Variants in OSBPL10 observed in about 807,000 individuals in gnomAD.
The protein encoded by OSBPL10 is oxysterol-binding protein-related protein 10.
Under a neutral mutation model 81.7 loss-of-function variants are expected in OSBPL10, and 49 were observed. The observed-to-expected ratio is 0.60, with a 90% CI of 0.48 to 0.76. OSBPL10 has a LOEUF of 0.76. Ranked by LOEUF, OSBPL10 falls within the 30% of genes least tolerant of loss-of-function variation. The pLI, the probability that OSBPL10 is intolerant of heterozygous loss-of-function variation, is 0.00. For missense variants in OSBPL10, 923 were observed against 987.8 expected (o/e 0.93, Z 0.88); for synonymous variants, 419 against 383.6 (o/e 1.09, Z -1.08).
At position 31,760,247 on chromosome 3, in the gene OSBPL10, G is replaced by T. The variant is rs147896775; in HGVS notation, c.730-12127C>A. Among the ~76,000 whole-genome samples, 108 of 152,274 alleles carry T rather than the reference G, an allele frequency of 7.1e-4. 1 individual carries two copies. The highest frequency in any genetic ancestry group is 2.5e-3 in the African/African-American group (103 of 41,546). On this transcript the variant is annotated intron_variant, in intron 4 of 11. Coordinates refer to ENST00000396556, the MANE Select transcript of OSBPL10 (RefSeq NM_017784.5). ...GACAGAAGAGTTGGAGGAGGTGAAA[G>T]GAGAGGCAGTCACACTCAGTTTAAT...
intron 2 of OSBPL10, among the ~76,000 whole-genome samples, chr3:32,043,907 T>C (rs966287067): frequency 2.6e-4 from 4 of 15,208 alleles, no homozygotes; most frequent in African/African-American, 3.5e-4. Context: ...CTGGGGACTA[T>C]TAGAGGGGGA....
chr3:31,996,826 A>G (rs754676296), intron 2 of OSBPL10, among the ~76,000 whole-genome samples: 12 of 152,222 alleles, frequency 7.9e-5, no homozygotes, highest in Non-Finnish European at 1.6e-4. Context: ...AAAAAACTTG[A>G]CAAGTATCTT....
At chr3:31,877,069 AT>A (rs568637143) in intron 2 of OSBPL10, among the ~76,000 whole-genome samples, 9 of 151,382 alleles carry the variant, frequency 5.9e-5, no homozygotes, top group Non-Finnish European at 1.2e-4. Context: ...ATGCCCGGCT[AT>A]TTTTTTTGTA....
intron 1 of OSBPL10, among the ~76,000 whole-genome samples, chr3:31,920,103 G>C (rs1696867850): frequency 6.6e-6 from 1 of 152,128 alleles, no homozygotes; most frequent in Admixed American, 6.6e-5. Context: ...AGATGGAAAA[G>C]GTAAAACTAT....
At chr3:31,990,782 G>C in intron 2 of OSBPL10, 1 of 1,613,008 alleles carries the variant, frequency 6.2e-7, no homozygotes, top group Non-Finnish European at 8.5e-7. Context: ...CCTTACAAAT[G>C]TGATGATTTT....
chr3:31,922,392 G>A (rs1342479575), intron 1 of OSBPL10, among the ~76,000 whole-genome samples: 4 of 152,212 alleles, frequency 2.6e-5, no homozygotes, highest in Admixed American at 2.6e-4. Context: ...GCCATGGCGG[G>A]CAGATCACCT....
chr3:31,954,577 T>C (rs1466886515), intron 1 of OSBPL10, among the ~76,000 whole-genome samples: 1 of 151,906 alleles, frequency 6.6e-6, no homozygotes, highest in Non-Finnish European at 1.5e-5. Flanking sequence ...CAAAAACCAA[T>C]CTATATTGGG....
At chr3:31,810,385 T>C (rs887963372) in intron 4 of OSBPL10, among the ~76,000 whole-genome samples, 1 of 152,164 alleles carries the variant, frequency 6.6e-6, no homozygotes, top group Non-Finnish European at 1.5e-5. Flanking sequence ...TACCATTACT[T>C]GAAAACATAA....
upstream of OSBPL10, among the ~76,000 whole-genome samples, chr3:31,984,666 CT>C (rs1437510361): frequency 1.3e-5 from 2 of 152,088 alleles, no homozygotes; most frequent in Non-Finnish European, 2.9e-5. Context: ...TTAACTATGC[CT>C]TTATCTTAGC....
chr3:31,888,617 C>CG (rs751654197), intron 1 of OSBPL10, among the ~76,000 whole-genome samples: 75 of 152,008 alleles, frequency 4.9e-4, no homozygotes, highest in Middle Eastern at 3.4e-3. Flanking sequence ...CAAACAACAG[C>CG]GAAAAAAAAC....
intron 1 of OSBPL10, among the ~76,000 whole-genome samples, chr3:31,908,241 G>C (rs1277074370): frequency 6.6e-6 from 1 of 152,050 alleles, no homozygotes; most frequent in Non-Finnish European, 1.5e-5. Context: ...TAGGGACTGG[G>C]GGGTTGATTC....
chr3:31,770,297 A>G (rs950522517), intron 4 of OSBPL10, among the ~76,000 whole-genome samples: 12 of 152,290 alleles, frequency 7.9e-5, no homozygotes, highest in East Asian at 3.9e-4. Context: ...AATGCTGTTA[A>G]TGCCATATCA....
chr3:31,891,964 G>A (rs769795999), intron 1 of OSBPL10, among the ~76,000 whole-genome samples: 10 of 152,100 alleles, frequency 6.6e-5, no homozygotes, highest in Non-Finnish European at 1.3e-4. Context: ...GGATACATGT[G>A]GTATGGGTGA....
intron 6 of OSBPL10, among the ~76,000 whole-genome samples, chr3:31,729,706 A>C (rs1696909512): frequency 6.6e-6 from 1 of 152,224 alleles, no homozygotes; most frequent in African/African-American, 2.4e-5. Context: ...GGCATGAGCC[A>C]CCACGCCCAG....
chr3:31,799,100 G>A (rs1029262248), intron 4 of OSBPL10, among the ~76,000 whole-genome samples: 1 of 152,080 alleles, frequency 6.6e-6, no homozygotes, highest in Admixed American at 6.6e-5. Context: ...CTACCTCAAG[G>A]TATACATATG....
At chr3:31,962,934 T>C (rs961419842) in intron 1 of OSBPL10, among the ~76,000 whole-genome samples, 1 of 152,234 alleles carries the variant, frequency 6.6e-6, no homozygotes, top group Non-Finnish European at 1.5e-5. Flanking sequence ...TACAATGACT[T>C]GCTTTCAATC....
At chr3:32,007,975 G>A (rs566598075) in intron 2 of OSBPL10, among the ~76,000 whole-genome samples, 3 of 151,970 alleles carry the variant, frequency 2.0e-5, no homozygotes. Context: ...AAAGTGCTGG[G>A]ATTACAGGCA....
In OSBPL10 at chr3:31,662,110, C is replaced by T; in HGVS notation, c.2257G>A (p.Gly753Ser). 1 of 1,614,064 alleles carries T rather than the reference C, an allele frequency of 6.2e-7. No individual in the cohort carries two copies. The highest frequency in any genetic ancestry group is 1.1e-5 in the South Asian group (1 of 91,050). The change falls in exon 12 of 12, where the codon GGC (glycine) becomes AGC (serine). Residue 753 changes from glycine to serine, a missense_variant. This residue lies in a region of OSBPL10 where 387 missense variants were observed against 436.3 expected (regional missense o/e 0.89). Coordinates refer to ENST00000396556, the MANE Select transcript of OSBPL10 (RefSeq NM_017784.5). ...CAGAGGGGATTGAAGTATACCCAGC[C>T]ATCGCCCTGCAAGAGAAGAAAGGAG... ...KPKYFIQEGD[G>S]WVYFNPLWKA...
chr3:31,848,203 G>A lies in OSBPL10; in HGVS notation c.538-17972C>T, dbSNP rs79986067. ...GGTGTGATAGGATTCTATATACTCC[G>A]GCACAACCCCTTGTGGTCTTAAGTT... On this transcript the variant is annotated intron_variant, in intron 3 of 11. Coordinates refer to ENST00000396556, the MANE Select transcript of OSBPL10 (RefSeq NM_017784.5). 2.4e-3 allele frequency among the ~76,000 whole-genome samples: 359 copies of A among 152,016 alleles called. 13 individuals are homozygous for A. The East Asian group carries it at 0.059, about 25-fold the overall frequency.
Sources: allele counts gnomAD v4.1 joint callset (sites outside exome capture counted in the v4.1 genomes callset), GRCh38; gene constraint gnomAD v4.1.1; regional missense constraint gnomAD v4.1.1; transcripts MANE v1.5; gene names NCBI Gene and HGNC (gene_info 2026-07-23, HGNC 2026-07-21).